EPHA6: variants seen among roughly 807,000 people sequenced by gnomAD.
EPHA6 encodes the protein EPH receptor A6, also known as ephrin type-A receptor 6.
In EPHA6, 50 loss-of-function variants were observed where a neutral mutation model predicts 112.0. The observed-to-expected ratio is 0.45, with a 90% CI of 0.36 to 0.56. EPHA6 has a LOEUF of 0.56. Ranked by LOEUF, EPHA6 falls within the 20% of genes least tolerant of loss-of-function variation. The pLI, the probability that EPHA6 is intolerant of heterozygous loss-of-function variation, is 0.00. For synonymous variants in EPHA6, 529 were observed against 490.7 expected (o/e 1.08, Z -1.03); for missense variants, 1,280 against 1,417.4 (o/e 0.90, Z 1.56).
At chr3:97,566,067 G>A (rs375072041) in intron 11 of EPHA6, among the ~76,000 whole-genome samples, 8 of 151,426 alleles carry the variant, frequency 5.3e-5, no homozygotes, top group African/African-American at 9.7e-5. Context: ...ACAGTTCTGC[G>A]ACTGTACAAG....
intron 1 of EPHA6, among the ~76,000 whole-genome samples, chr3:96,842,781 T>C (rs936695054): frequency 6.6e-5 from 10 of 152,152 alleles, no homozygotes; most frequent in African/African-American, 2.4e-4. Context: ...CCCAGAAAAA[T>C]AAAATCAGCA....
rs149590890 is a variant in EPHA6 at position 97,757,557 on chromosome 3, G to T, written c.*8856G>T. ...AAACATATTAATAAATTATCCCATG[G>T]ATAATAAAGAGATTTTTTTCCAGCC... On this transcript the variant is annotated 3_prime_UTR_variant, in exon 18 of 18. Transcript: ENST00000389672. 5.1e-3 allele frequency among the ~76,000 whole-genome samples: 766 copies of T among 151,232 alleles called. 7 individuals carry two copies. The highest frequency in any genetic ancestry group is 0.018 in the African/African-American group (729 of 41,340).
At position 96,814,839 on chromosome 3, in the gene EPHA6, C is replaced by T. The variant is rs77729199; in HGVS notation, c.216C>T (p.Thr72=). 4,750 of 1,578,330 alleles carry T rather than the reference C, an allele frequency of 3.0e-3. 97 individuals carry two copies. In the African/African-American group the frequency reaches 0.045, roughly 15 times the overall value. Residue 72 remains threonine, a synonymous_variant, in exon 1 of 18, where the codon ACC becomes ACT. Transcript: ENST00000389672. ...EEDVDKDPHP[T]QNTCLRCRHF... ...ACGTGGACAAGGACCCCCATCCTAC[C>T]CAGAACACCTGCCTGCGCTGCCGCC... is the stretch of plus-strand genomic sequence containing the variant.
intron 5 of EPHA6, among the ~76,000 whole-genome samples, chr3:97,321,820 A>C (rs2082135384): frequency 1.3e-5 from 2 of 152,124 alleles, no homozygotes; most frequent in African/African-American, 4.8e-5. Context: ...AGCAGCCAAC[A>C]GCTGTTAAAA....
intron 2 of EPHA6, among the ~76,000 whole-genome samples, chr3:96,937,373 T>C (rs1299689763): frequency 6.6e-6 from 1 of 152,196 alleles, no homozygotes; most frequent in African/African-American, 2.4e-5. Context: ...ATGAGCATTT[T>C]TTCATGTGTT....
intron 11 of EPHA6, among the ~76,000 whole-genome samples, chr3:97,563,612 G>A (rs1396663382): frequency 6.6e-6 from 1 of 152,126 alleles, no homozygotes; most frequent in Non-Finnish European, 1.5e-5. Flanking sequence ...TCTTAGGAGT[G>A]CAAGAGCAAA....
intron 5 of EPHA6, among the ~76,000 whole-genome samples, chr3:97,323,336 A>G (rs1189325234): frequency 6.6e-6 from 1 of 151,946 alleles, no homozygotes; most frequent in Non-Finnish European, 1.5e-5. Flanking sequence ...AAAAAGGTAT[A>G]TGCATATAAG....
intron 5 of EPHA6, among the ~76,000 whole-genome samples, chr3:97,265,942 T>G (rs909037640): frequency 6.6e-6 from 1 of 152,242 alleles, no homozygotes; most frequent in African/African-American, 2.4e-5. Context: ...ATTTGTCCCA[T>G]GGACTGTAGT....
rs756486325 is a variant in EPHA6, at chr3:97,583,026, A to G, written c.2387-9586A>G. Reference sequence around the variant, plus strand: ...CAGCTTTGGAAAACTACAAACAGGCAGATGCAGCCTGCCTCATGACCTCTT... The same window carrying G: ...CAGCTTTGGAAAACTACAAACAGGCGGATGCAGCCTGCCTCATGACCTCTT... On this transcript the variant is annotated intron_variant, in intron 11 of 17. Transcript: ENST00000389672. 1.2e-3 allele frequency among the ~76,000 whole-genome samples: 177 copies of G among 150,318 alleles called. 1 individual carries two copies. Among genetic ancestry groups the G allele is most frequent in the Non-Finnish European group, 1.4e-3 (93 of 67,790 alleles).
chr3:97,293,071 C>G (rs2080751036), intron 5 of EPHA6, among the ~76,000 whole-genome samples: 1 of 151,994 alleles, frequency 6.6e-6, no homozygotes, highest in Non-Finnish European at 1.5e-5. Flanking sequence ...TGGATAGCTC[C>G]TTTTCACAGG....
At chr3:96,891,169 A>G (rs548780518) in intron 2 of EPHA6, among the ~76,000 whole-genome samples, 1 of 152,362 alleles carries the variant, frequency 6.6e-6, no homozygotes, top group South Asian at 2.1e-4. Context: ...ATACATCTTT[A>G]CAAAGAAACG....
intron 3 of EPHA6, among the ~76,000 whole-genome samples, chr3:97,049,893 A>AT (rs2045630251): frequency 2.0e-5 from 3 of 152,300 alleles, no homozygotes; most frequent in South Asian, 2.1e-4. Flanking sequence ...AATACCTTCC[A>AT]TTAGGCCCAC....
chr3:97,560,239 G>A (rs779313677), intron 11 of EPHA6, among the ~76,000 whole-genome samples: 3 of 151,782 alleles, frequency 2.0e-5, no homozygotes, highest in Non-Finnish European at 4.4e-5. Context: ...AGAAATTCCA[G>A]GAGAATAATC....
chr3:97,177,504 G>A (rs776462135), intron 3 of EPHA6, among the ~76,000 whole-genome samples: 7 of 151,794 alleles, frequency 4.6e-5, no homozygotes, highest in Non-Finnish European at 7.4e-5. Flanking sequence ...TTATATTGGG[G>A]CCTATCTCTG....
chr3:96,863,183 T>C (rs563283417), intron 1 of EPHA6, among the ~76,000 whole-genome samples: 56 of 152,188 alleles, frequency 3.7e-4, no homozygotes, highest in African/African-American at 1.2e-3. Context: ...TCTTCCTATT[T>C]AAACATTGCT....
At chr3:97,476,269 T>C (rs1469750388) in intron 8 of EPHA6, among the ~76,000 whole-genome samples, 1 of 152,126 alleles carries the variant, frequency 6.6e-6, no homozygotes, top group African/African-American at 2.4e-5. Context: ...ATAGTCTATC[T>C]AGATATCAAA....
chr3:96,887,869 G>A (rs1163813953), intron 2 of EPHA6, among the ~76,000 whole-genome samples: 2 of 151,944 alleles, frequency 1.3e-5, no homozygotes, highest in African/African-American at 4.8e-5. Context: ...TCAGGGAAGT[G>A]GGGGAAAGCC....
chr3:96,942,783 G>A (rs1235829619), intron 2 of EPHA6, among the ~76,000 whole-genome samples: 2 of 152,142 alleles, frequency 1.3e-5, no homozygotes, highest in African/African-American at 2.4e-5. Flanking sequence ...TTAAGTTCAA[G>A]TTTAAAAGTA....
intron 11 of EPHA6, among the ~76,000 whole-genome samples, chr3:97,542,424 T>A (rs558473229): frequency 4.5e-4 from 68 of 152,310 alleles, no homozygotes; most frequent in Non-Finnish European, 4.1e-4. Context: ...GGACATGAAC[T>A]CATCATTTTT....
Sources: allele counts gnomAD v4.1 joint callset (sites outside exome capture counted in the v4.1 genomes callset), GRCh38; gene constraint gnomAD v4.1.1; transcripts MANE v1.5; gene names NCBI Gene and HGNC (gene_info 2026-07-23, HGNC 2026-07-21).